Variants in SUDS3 observed in about 807,000 individuals in gnomAD.
The protein encoded by SUDS3 is SIN3A corepressor complex component SDS3, also known as sin3 histone deacetylase corepressor complex component SDS3.
SUDS3 carries 23 observed loss-of-function variants against 53.5 expected under a neutral mutation model. The ratio of observed to expected loss-of-function variants is 0.43; its 90% CI spans 0.31 to 0.61. The LOEUF is 0.61. Among genes scored for constraint, SUDS3 ranks in the 20% least tolerant of loss-of-function variants. SUDS3 has a pLI of 0.10. For synonymous variants in SUDS3, 150 were observed against 148.5 expected, an observed-to-expected ratio of 1.01 and a Z score of -0.08; for missense variants, 291 against 405.9, an observed-to-expected ratio of 0.72 and a Z score of 2.43.
intron 6 of SUDS3, among the ~76,000 whole-genome samples, chr12:118,399,129 G>A (rs187901602): frequency 5.0e-4 from 76 of 152,264 alleles, no homozygotes; most frequent in Non-Finnish European, 8.8e-4. Flanking sequence ...CGGTGTAAGC[G>A]TGAATGAAGA....
chr12:118,382,666 CTTTT>C (rs573617276), intron 2 of SUDS3, among the ~76,000 whole-genome samples: 37 of 135,732 alleles, frequency 2.7e-4, no homozygotes, highest in Non-Finnish European at 3.0e-4. Context: ...TGTGCCCAGC[CTTTT>C]TTTTTTTTTT....
chr12:118,397,311 T>C (rs1276980016), intron 6 of SUDS3, among the ~76,000 whole-genome samples: 1 of 152,172 alleles, frequency 6.6e-6, no homozygotes, highest in Non-Finnish European at 1.5e-5. Flanking sequence ...GTCTTGGGAC[T>C]CTTAGAGTCC....
chr12:118,415,000 T>G lies in SUDS3; in HGVS notation c.*567T>G, dbSNP rs2046388144. The G allele has an allele frequency of 6.6e-6, 1 of 152,330 alleles. No homozygotes were observed. Among genetic ancestry groups the G allele is most frequent in the African/African-American group, 2.4e-5 (1 of 41,460 alleles). 9.4% of individuals were successfully genotyped at this position (152,330 alleles called of 1,614,324 possible). A position where few individuals can be genotyped will look rare whatever the true frequency, so the allele number is the denominator to read the frequency against. Reference sequence around the variant, plus strand: ...AAATAAATGCTTTGTGTAACATCTGTGCACACCATCCATTCCGCTCGCTGA... The same window carrying G: ...AAATAAATGCTTTGTGTAACATCTGGGCACACCATCCATTCCGCTCGCTGA... On this transcript the variant is annotated 3_prime_UTR_variant, in exon 12 of 12. Transcript: ENST00000543473.
At chr12:118,403,554 A>G (rs761439844) in intron 10 of SUDS3, 37 bp downstream of exon 10, 8 of 1,533,802 alleles carry the variant, frequency 5.2e-6, no homozygotes, top group Non-Finnish European at 6.3e-6. Flanking sequence ...TAAGAGTCTC[A>G]TATGAACCAC....
chr12:118,385,744 C>T (rs2046109433), intron 3 of SUDS3, among the ~76,000 whole-genome samples: 1 of 152,188 alleles, frequency 6.6e-6, no homozygotes, highest in African/African-American at 2.4e-5. Flanking sequence ...CACACCATTG[C>T]AGAAGGTTCT....
In SUDS3 at chr12:118,409,124, C is replaced by A. The variant is rs141495524; in HGVS notation, c.804-1949C>A. Among the ~76,000 whole-genome samples, 195 of 151,702 alleles carry A rather than the reference C, an allele frequency of 1.3e-3. 1 individual carries two copies. The highest frequency in any genetic ancestry group is 2.5e-3 in the Non-Finnish European group (172 of 67,884). ...TTAAAACTTGCATTTAAACCATTCT[C>A]GCTGTTCTAATTGAATTTAAAATTC... On this transcript the variant is annotated intron_variant, in intron 10 of 11. Coordinates refer to ENST00000543473, the MANE Select transcript of SUDS3 (RefSeq NM_022491.3).
intron 2 of SUDS3, among the ~76,000 whole-genome samples, chr12:118,383,166 C>T (rs1021813587): frequency 5.9e-5 from 9 of 152,312 alleles, no homozygotes; most frequent in African/African-American, 2.2e-4. Flanking sequence ...AAAAGGTTAT[C>T]ACGCCCATGT....
intron 9 of SUDS3, 139 bp downstream of exon 9, chr12:118,402,143 C>A: frequency 1.1e-6 from 1 of 879,226 alleles, no homozygotes; most frequent in Non-Finnish European, 1.8e-6. Flanking sequence ...ATCATGAAAA[C>A]TGAAGGGGAC....
At chr12:118,399,737 A>C (rs1010862444) in intron 6 of SUDS3, among the ~76,000 whole-genome samples, 2 of 152,176 alleles carry the variant, frequency 1.3e-5, no homozygotes, top group Admixed American at 1.3e-4. Flanking sequence ...TTGTTCTCGC[A>C]TGGAAGGAGG....
At chr12:118,377,667 G>C (rs940668852) in intron 1 of SUDS3, among the ~76,000 whole-genome samples, 1 of 152,144 alleles carries the variant, frequency 6.6e-6, no homozygotes, top group African/African-American at 2.4e-5. Flanking sequence ...GCAAGTGTGA[G>C]GAACGCTATT....
At chr12:118,401,872 C>A in intron 8 of SUDS3, 52 bp downstream of exon 8, 15 of 1,606,002 alleles carry the variant, frequency 9.3e-6, no homozygotes, top group Non-Finnish European at 1.3e-5. Context: ...TTGTGGTTTT[C>A]TGATTTTGTT....
chr12:118,400,039 G>A (rs1404454255), intron 6 of SUDS3, among the ~76,000 whole-genome samples: 1 of 152,104 alleles, frequency 6.6e-6, no homozygotes, highest in African/African-American at 2.4e-5. Context: ...GAAGGCGTGG[G>A]GAGTCAGCAG....
intron 10 of SUDS3, among the ~76,000 whole-genome samples, chr12:118,410,208 C>G (rs999461538): frequency 6.6e-6 from 1 of 152,216 alleles, no homozygotes; most frequent in Non-Finnish European, 1.5e-5. Flanking sequence ...ACAGTAAGTG[C>G]TTAATGAGTA....
chr12:118,411,499 T>G (rs989379461), intron 11 of SUDS3, among the ~76,000 whole-genome samples: 1 of 151,814 alleles, frequency 6.6e-6, no homozygotes, highest in African/African-American at 2.4e-5. Flanking sequence ...TTCTTTTTTT[T>G]TATTTTTATT....
intron 3 of SUDS3, 121 bp downstream of exon 3, chr12:118,384,188 T>C: frequency 3.1e-6 from 3 of 961,800 alleles, no homozygotes; most frequent in Non-Finnish European, 4.7e-6. Flanking sequence ...TGATCTTAGC[T>C]ATCCAGTACA....
At chr12:118,377,992 G>A (rs552089812) in intron 1 of SUDS3, among the ~76,000 whole-genome samples, 1 of 152,344 alleles carries the variant, frequency 6.6e-6, no homozygotes, top group Admixed American at 6.5e-5. Context: ...ATACAAAGTT[G>A]AGGGACTGCA....
chr12:118,382,757 C>T (rs879443090), intron 2 of SUDS3, among the ~76,000 whole-genome samples: 9 of 151,404 alleles, frequency 5.9e-5, no homozygotes, highest in Non-Finnish European at 1.0e-4. Flanking sequence ...AACCTCCAGC[C>T]CCTGGGTTCA....
intron 10 of SUDS3, among the ~76,000 whole-genome samples, chr12:118,409,109 C>G (rs1391163054): frequency 6.6e-6 from 1 of 151,808 alleles, no homozygotes; most frequent in African/African-American, 2.4e-5. Flanking sequence ...TTAAAACTTG[C>G]ATTTAAACCA....
intron 1 of SUDS3, among the ~76,000 whole-genome samples, chr12:118,379,191 C>T (rs2046030942): frequency 6.6e-6 from 1 of 151,572 alleles, no homozygotes; most frequent in South Asian, 2.1e-4. Flanking sequence ...AATCCCAGCA[C>T]TTTGGAATGC....
Sources: allele counts gnomAD v4.1 joint callset (sites outside exome capture counted in the v4.1 genomes callset), GRCh38; gene constraint gnomAD v4.1.1; transcripts MANE v1.5; gene names NCBI Gene and HGNC (gene_info 2026-07-23, HGNC 2026-07-21).